The following NCKAP5 variants were observed in gnomAD, a reference collection of about 807,000 sequenced individuals.
NCKAP5 encodes nck-associated protein 5.
Under a neutral mutation model 167.0 loss-of-function variants are expected in NCKAP5, and 92 were observed. The ratio of observed to expected loss-of-function variants is 0.55; its 90% CI spans 0.47 to 0.66. The LOEUF is 0.66. NCKAP5 is among the 30% of genes least tolerant of loss of function. The pLI, the probability that NCKAP5 is intolerant of heterozygous loss-of-function variation, is 0.00. For missense variants in NCKAP5, 2,378 were observed against 2,315.0 expected (o/e 1.03, Z -0.56); for synonymous variants, 891 against 877.4 (o/e 1.02, Z -0.27).
chr2:132,887,014 ATTTGT>A (rs1692278949), intron 8 of NCKAP5, among the ~76,000 whole-genome samples: 1 of 152,206 alleles, frequency 6.6e-6, no homozygotes, highest in Admixed American at 6.5e-5. Context: ...AAGATACTCA[ATTTGT>A]ATGTTAAATT....
chr2:132,889,650 C>A (rs979299619), intron 8 of NCKAP5, among the ~76,000 whole-genome samples: 3 of 152,068 alleles, frequency 2.0e-5, no homozygotes, highest in Non-Finnish European at 2.9e-5. Context: ...GCACATTGGA[C>A]TAAATAAAAA....
chr2:133,261,879 C>T (rs1213540362), intron 4 of NCKAP5, among the ~76,000 whole-genome samples: 1 of 152,026 alleles, frequency 6.6e-6, no homozygotes, highest in African/African-American at 2.4e-5. Flanking sequence ...AAAATAATAC[C>T]CAGGAATGCC....
chr2:132,759,086 G>A (rs1219523776), intron 16 of NCKAP5, among the ~76,000 whole-genome samples: 1 of 151,520 alleles, frequency 6.6e-6, no homozygotes, highest in African/African-American at 2.4e-5. Flanking sequence ...TAAACAAATA[G>A]AATCATCCTG....
chr2:133,226,710 G>T (rs1444530141), intron 4 of NCKAP5, among the ~76,000 whole-genome samples: 1 of 151,308 alleles, frequency 6.6e-6, no homozygotes, highest in East Asian at 1.9e-4. Flanking sequence ...GAACAAGAAA[G>T]ATAGCCAGCA....
At chr2:133,500,766 C>G (rs761497759) in intron 3 of NCKAP5, among the ~76,000 whole-genome samples, 2 of 152,098 alleles carry the variant, frequency 1.3e-5, no homozygotes, top group Non-Finnish European at 1.5e-5. Context: ...CATCTTTATA[C>G]GTAAGTTTAT....
chr2:133,624,611 G>A, the NCKAP5 span, among the ~76,000 whole-genome samples: 1 of 152,084 alleles, frequency 6.6e-6, no homozygotes, highest in African/African-American at 2.4e-5. Context: ...CAAACAAGTT[G>A]GCAATAATTA....
chr2:133,129,252 C>G lies in NCKAP5; in HGVS notation c.341+726G>C, dbSNP rs182360438. Among the ~76,000 whole-genome samples, 15 of 152,140 alleles carry G rather than the reference C, an allele frequency of 9.9e-5. No individual in the cohort carries two copies. In the East Asian group the frequency reaches 2.1e-3, roughly 22 times the overall value. On this transcript the variant is annotated intron_variant, in intron 6 of 19. Transcript: ENST00000409261. ...CAATGTTATCCCTCCCCGCTCCCCC[C>G]ACCCCACAACAGTCCCCGGAGTGTG...
chr2:133,613,652 C>T, the NCKAP5 span, among the ~76,000 whole-genome samples: 3 of 152,174 alleles, frequency 2.0e-5, no homozygotes, highest in Non-Finnish European at 4.4e-5. Context: ...TGTGCCATTT[C>T]TTGAATTTCA....
In NCKAP5 at chr2:133,031,242, C is replaced by G. The variant is rs1395206382; in HGVS notation, c.342-37003G>C. On this transcript the variant is annotated intron_variant, in intron 6 of 19. Coordinates refer to ENST00000409261, the MANE Select transcript of NCKAP5 (RefSeq NM_207363.3). ...CTGAATCACTGACACCATCCCTCCC[C>G]TACCCCCAGCAGCAGCAGAGGCATG... is the stretch of plus-strand genomic sequence containing the variant. Among the ~76,000 whole-genome samples the G allele has an allele frequency of 2.6e-5, 4 of 152,178 alleles. No homozygotes were observed. In the East Asian group the frequency reaches 7.7e-4, roughly 29 times the overall value.
At chr2:133,512,305 C>T (rs1186652372) in intron 3 of NCKAP5, among the ~76,000 whole-genome samples, 1 of 152,138 alleles carries the variant, frequency 6.6e-6, no homozygotes, top group African/African-American at 2.4e-5. Flanking sequence ...TAAACCTGTT[C>T]CTCTGCCTGC....
intron 1 of NCKAP5, among the ~76,000 whole-genome samples, chr2:133,567,324 A>C (rs1688622198): frequency 6.6e-6 from 1 of 152,212 alleles, no homozygotes; most frequent in African/African-American, 2.4e-5. Context: ...AGAATAGCTC[A>C]CGGGCCAGCC....
At chr2:133,468,261 G>T (rs28810120) in intron 3 of NCKAP5, among the ~76,000 whole-genome samples, 3 of 122,742 alleles carry the variant, frequency 2.4e-5, no homozygotes, top group Admixed American at 8.5e-5. Flanking sequence ...CCTTCATTTC[G>T]TTATGTACCC....
intron 3 of NCKAP5, among the ~76,000 whole-genome samples, chr2:133,449,976 C>T (rs945156311): frequency 3.3e-5 from 5 of 151,970 alleles, no homozygotes; most frequent in Non-Finnish European, 7.4e-5. Context: ...CCACGGGACT[C>T]ACCATCTCCC....
At chr2:133,027,283 G>A (rs74818941) in intron 6 of NCKAP5, among the ~76,000 whole-genome samples, 5 of 152,028 alleles carry the variant, frequency 3.3e-5, no homozygotes, top group African/African-American at 1.2e-4. Flanking sequence ...AAATACCCTC[G>A]TCTCTTCTTT....
intron 3 of NCKAP5, among the ~76,000 whole-genome samples, chr2:133,308,151 G>T (rs1003140031): frequency 3.4e-5 from 5 of 146,520 alleles, no homozygotes; most frequent in Admixed American, 2.7e-4. Flanking sequence ...TGCAGTGGCG[G>T]GATCTCGGCT....
intron 4 of NCKAP5, among the ~76,000 whole-genome samples, chr2:133,302,800 A>AATAAAT (rs1559365760): frequency 7.1e-4 from 108 of 151,290 alleles, no homozygotes; most frequent in African/African-American, 2.5e-3. Flanking sequence ...AAAAATAAAA[A>AATAAAT]AAATAAATAA....
intron 19 of NCKAP5, among the ~76,000 whole-genome samples, chr2:132,697,223 C>CT (rs1558936341): frequency 4.6e-5 from 7 of 152,196 alleles, no homozygotes; most frequent in Non-Finnish European, 7.3e-5. Context: ...CCTTAAAGAG[C>CT]AGTCACCTTG....
chr2:133,617,171 C>A, the NCKAP5 span, among the ~76,000 whole-genome samples: 2 of 152,142 alleles, frequency 1.3e-5, no homozygotes, highest in Admixed American at 1.3e-4. Context: ...TAAGAGCTAT[C>A]TAGGACAAAT....
At chr2:132,923,169 AGAAT>A (rs1695576290) in intron 8 of NCKAP5, among the ~76,000 whole-genome samples, 3 of 152,192 alleles carry the variant, frequency 2.0e-5, no homozygotes, top group Admixed American at 2.0e-4. Context: ...GATACACTTG[AGAAT>A]GAACTCCACT....
Sources: gnomAD v4.1 joint callset for allele counts (sites outside exome capture counted in the v4.1 genomes callset) on GRCh38, gnomAD v4.1.1 for gene constraint, MANE v1.5 for transcripts, NCBI Gene and HGNC (gene_info 2026-07-23, HGNC 2026-07-21) for gene names.